COQ8A: variants seen among roughly 807,000 people sequenced by gnomAD.
COQ8A encodes coenzyme Q8A, also known as atypical kinase COQ8A, mitochondrial.
Under a neutral mutation model 65.0 loss-of-function variants are expected in COQ8A, and 51 were observed. The ratio of observed to expected loss-of-function variants is 0.78; its 90% CI spans 0.63 to 0.99. The LOEUF is 0.99. COQ8A is among the 50% of genes least tolerant of loss of function. The probability of loss-of-function intolerance (pLI) is 0.00; values close to 1 mark genes in which losing one functional copy is unlikely to be tolerated. For synonymous variants in COQ8A, 371 were observed against 353.2 expected (o/e 1.05, Z -0.57); for missense variants, 940 against 875.0 (o/e 1.07, Z -0.94).
intron 4 of COQ8A, among the ~76,000 whole-genome samples, chr1:226,966,883 G>A (rs1658601556): frequency 6.6e-6 from 1 of 152,148 alleles, no homozygotes; most frequent in South Asian, 2.1e-4. Context: ...TTCTGACATT[G>A]AATGATGGCT....
chr1:226,944,385 G>A (rs1416963928), intron 1 of COQ8A, among the ~76,000 whole-genome samples: 3 of 152,028 alleles, frequency 2.0e-5, no homozygotes, highest in Non-Finnish European at 2.9e-5. Flanking sequence ...AGAGCAGAGA[G>A]TGGGCTTGTG....
chr1:226,973,253 G>T (rs1163598656), intron 4 of COQ8A, among the ~76,000 whole-genome samples: 1 of 152,224 alleles, frequency 6.6e-6, no homozygotes, highest in Admixed American at 6.5e-5. Flanking sequence ...TGCACCCTCA[G>T]CAGGGGTGCG....
intron 4 of COQ8A, among the ~76,000 whole-genome samples, chr1:226,968,643 G>A (rs1447508474): frequency 1.3e-5 from 2 of 152,146 alleles, no homozygotes; most frequent in Non-Finnish European, 1.5e-5. Flanking sequence ...GGGTTATGAA[G>A]GAAAGGGATT....
At chr1:226,986,344 C>T (rs1236631683) in intron 14 of COQ8A, 109 bp from the exon 15 acceptor site, 2 of 1,267,900 alleles carry the variant, frequency 1.6e-6, no homozygotes, top group South Asian at 1.3e-5. Flanking sequence ...ATCCAGTTTA[C>T]AGCAGAGCTT....
At chr1:226,978,217 A>T (rs1290761184) in intron 5 of COQ8A, among the ~76,000 whole-genome samples, 1 of 99,754 alleles carries the variant, frequency 1.0e-5, no homozygotes, top group Admixed American at 1.0e-4. Flanking sequence ...ACCTCCTTAC[A>T]CACCCTCTAC....
chr1:226,986,764 C>CCG lies in COQ8A; in HGVS notation c.*30_*31dup. 6.2e-7 allele frequency: 1 copy of CCG among 1,605,766 alleles called. No individual in the cohort carries two copies. The highest frequency in any genetic ancestry group is 8.5e-7 in the Non-Finnish European group (1 of 1,178,574). The stretch of plus-strand genomic sequence containing the variant: ...GCTGCGGGCCACGCCCAGGCCGGCT[C>CCG]CGCGGGAACTCTCTCCCTCAGACAG... On this transcript the variant is annotated 3_prime_UTR_variant, in exon 15 of 15. Transcript: ENST00000366777.
At chr1:226,944,349 A>T (rs1261649563) in intron 1 of COQ8A, among the ~76,000 whole-genome samples, 3 of 151,866 alleles carry the variant, frequency 2.0e-5, no homozygotes, top group Non-Finnish European at 4.4e-5. Flanking sequence ...AGCCTATGGG[A>T]GGTTTATTTA....
At chr1:226,965,431 G>C (rs1402473731) in intron 3 of COQ8A, 21 bp downstream of exon 3, 9 of 1,601,242 alleles carry the variant, frequency 5.6e-6, no homozygotes, top group Non-Finnish European at 6.8e-6. Flanking sequence ...GAGGCCCCTG[G>C]AGGGCCGAGG....
At chr1:226,960,174 GGTGGTGATGGTACTT>G (rs1224935212) in intron 1 of COQ8A, among the ~76,000 whole-genome samples, 1 of 148,710 alleles carries the variant, frequency 6.7e-6, no homozygotes, top group Non-Finnish European at 1.5e-5. Flanking sequence ...TGGTGGTGGT[GGTGGTGATGGTACTT>G]GTGGTGGTGG....
intron 1 of COQ8A, among the ~76,000 whole-genome samples, chr1:226,960,258 GGTGGTGGT>G: frequency 1.4e-5 from 2 of 144,050 alleles, no homozygotes; most frequent in South Asian, 2.4e-4. Flanking sequence ...TGGTGGTGGT[GGTGGTGGT>G]ACTTGGTGGC....
intron 13 of COQ8A, 92 bp downstream of exon 13, chr1:226,985,033 C>T: frequency 1.3e-6 from 2 of 1,510,240 alleles, no homozygotes; most frequent in Non-Finnish European, 1.8e-6. Flanking sequence ...TGACTGGGTT[C>T]CTGCCCTTGT....
intron 1 of COQ8A, among the ~76,000 whole-genome samples, chr1:226,948,691 G>C (rs1034932958): frequency 1.3e-5 from 2 of 152,204 alleles, no homozygotes; most frequent in Non-Finnish European, 2.9e-5. Flanking sequence ...CTCTGTGTGT[G>C]TGGGTGGAGT....
chr1:226,986,445 T>C lies in COQ8A; in HGVS notation c.1660-8T>C, dbSNP rs751194723. 3.1e-6 allele frequency: 5 copies of C among 1,611,470 alleles called. No individual in the cohort carries two copies. The Admixed American group carries it at 6.7e-5, about 21-fold the overall frequency. ...TCGCCGCCATTTATCCTTCCTCTCT[T>C]GCCCCAGGTCATGGAAGACGCCCAC... On this transcript the variant is annotated splice_region_variant and splice_polypyrimidine_tract_variant and intron_variant, in intron 14 of 14. Transcript: ENST00000366777.
At chr1:226,974,450 A>AG (rs1659073168) in intron 4 of COQ8A, among the ~76,000 whole-genome samples, 1 of 151,934 alleles carries the variant, frequency 6.6e-6, no homozygotes, top group South Asian at 2.1e-4. Flanking sequence ...GGATCTGAGC[A>AG]GGGAGAGGTG....
At chr1:226,963,529 A>C (rs1404807422) in intron 2 of COQ8A, among the ~76,000 whole-genome samples, 1 of 152,190 alleles carries the variant, frequency 6.6e-6, no homozygotes, top group Non-Finnish European at 1.5e-5. Flanking sequence ...GGGCAGAAGG[A>C]GGGCCCTGCC....
chr1:226,983,228 T>A, intron 8 of COQ8A, 194 bp downstream of exon 8: 1 of 943,054 alleles, frequency 1.1e-6, no homozygotes, highest in Non-Finnish European at 1.5e-6. Context: ...AATGAGTGAC[T>A]TTGGGGGCAC....
intron 1 of COQ8A, among the ~76,000 whole-genome samples, chr1:226,951,039 G>A (rs925867285): frequency 1.3e-5 from 2 of 152,168 alleles, no homozygotes; most frequent in Admixed American, 6.5e-5. Flanking sequence ...TCTCTGCCGG[G>A]GCAGACAGGC....
chr1:226,977,132 C>A (rs1659286383), intron 4 of COQ8A, among the ~76,000 whole-genome samples: 3 of 152,150 alleles, frequency 2.0e-5, no homozygotes. Flanking sequence ...GTGCTGGGTC[C>A]TTCCCAGGTG....
At chr1:226,965,594 G>A (rs1325663027) in intron 3 of COQ8A, 77 bp from the exon 4 acceptor site, 3 of 1,552,946 alleles carry the variant, frequency 1.9e-6, no homozygotes, top group Admixed American at 1.7e-5. Context: ...GAGGAGATGT[G>A]GGGGCAACAG....
Sources: gnomAD v4.1 joint callset for allele counts (sites outside exome capture counted in the v4.1 genomes callset) on GRCh38, gnomAD v4.1.1 for gene constraint, MANE v1.5 for transcripts, NCBI Gene and HGNC (gene_info 2026-07-23, HGNC 2026-07-21) for gene names.